UGT2B11: variants seen among roughly 807,000 people sequenced by gnomAD.
UGT2B11 encodes UDP glucuronosyltransferase family 2 member B11.
Under a neutral mutation model 51.7 loss-of-function variants are expected in UGT2B11, and 49 were observed. The observed-to-expected ratio is 0.95, with a 90% CI of 0.75 to 1.20. The LOEUF (loss-of-function observed/expected upper bound fraction) is 1.20, where lower values mean the gene tolerates loss of function less well. Ranked by LOEUF, UGT2B11 falls within the 50% of genes most tolerant of loss-of-function variation. The probability of loss-of-function intolerance (pLI) is 0.00; values close to 1 mark genes in which losing one functional copy is unlikely to be tolerated. For synonymous variants in UGT2B11, 273 were observed against 209.0 expected (o/e 1.31, Z -2.64); for missense variants, 810 against 622.1 (o/e 1.30, Z -3.21).
Position 69,204,555 on chromosome 4 carries a change from C to T in UGT2B11, c.1185G>A (p.Leu395=), listed in dbSNP as rs1721778187. The change falls in exon 5 of 6, where the codon TTG becomes TTA. Residue 395 remains leucine, a synonymous_variant. Coordinates refer to ENST00000446444, the MANE Select transcript of UGT2B11 (RefSeq NM_001073.3). ...YHGIPMVGIP[L]FFDQPDNIAH... Reference sequence around the variant, plus strand: ...CAATGTTATCAGGTTGATCAAAAAACAATGGAATGCCCACCATAGGGATCC... The same window carrying T: ...CAATGTTATCAGGTTGATCAAAAAATAATGGAATGCCCACCATAGGGATCC... 2 of 1,612,314 alleles carry T rather than the reference C, an allele frequency of 1.2e-6. No homozygotes were observed. The highest frequency in any genetic ancestry group is 2.2e-5 in the East Asian group (1 of 44,774).
At chr4:69,214,872 A>G, upstream of UGT2B11, 1 of 1,275,086 alleles carries the variant, frequency 7.8e-7, no homozygotes, top group Non-Finnish European at 1.1e-6. Flanking sequence ...CAAGGAGACA[A>G]ACAAAGTTCG....
At chr4:69,213,878 A>G (rs1388946338) in intron 1 of UGT2B11, 124 bp downstream of exon 1, 9 of 1,321,372 alleles carry the variant, frequency 6.8e-6, no homozygotes, top group Admixed American at 3.1e-5. Context: ...ATCATCTTGT[A>G]TTTTCATTTC....
In UGT2B11 at chr4:69,212,498, T is replaced by C. The variant is rs555327963; in HGVS notation, c.870+75A>G. 33 of 1,564,324 alleles carry C rather than the reference T, an allele frequency of 2.1e-5. 1 individual carries two copies. In the African/African-American group the frequency reaches 2.5e-4, roughly 12 times the overall value. ...TTTCTTTCAGTGTAAGTCAAACATT[T>C]TGAATGAAAACTATAGACTCATTTC... is the stretch of plus-strand genomic sequence containing the variant. On this transcript the variant is annotated intron_variant, in intron 2 of 5. Coordinates refer to ENST00000446444, the MANE Select transcript of UGT2B11 (RefSeq NM_001073.3).
intron 5 of UGT2B11, among the ~76,000 whole-genome samples, chr4:69,202,285 T>G (rs1487727859): frequency 6.6e-6 from 1 of 151,762 alleles, no homozygotes; most frequent in East Asian, 2.0e-4. Flanking sequence ...ATCTGTTGTG[T>G]ATATAATTGA....
chr4:69,222,367 C>A, the UGT2B11 span, among the ~76,000 whole-genome samples: 2 of 152,210 alleles, frequency 1.3e-5, no homozygotes. Flanking sequence ...TTCCTCCTTT[C>A]CCTTTGTAAT....
chr4:69,211,491 A>G (rs970870490), intron 2 of UGT2B11, among the ~76,000 whole-genome samples: 1 of 151,656 alleles, frequency 6.6e-6, no homozygotes, highest in Non-Finnish European at 1.5e-5. Flanking sequence ...AGTGACTTGC[A>G]CATGTTAAGT....
chr4:69,207,524 G>T (rs1037474065), intron 3 of UGT2B11, among the ~76,000 whole-genome samples: 1 of 151,550 alleles, frequency 6.6e-6, no homozygotes, highest in South Asian at 2.1e-4. Flanking sequence ...TCTTCCTTCT[G>T]TTTGACTCCT....
chr4:69,219,044 C>T (rs1255069226), upstream of UGT2B11, among the ~76,000 whole-genome samples: 2 of 152,114 alleles, frequency 1.3e-5, no homozygotes, highest in African/African-American at 4.8e-5. Flanking sequence ...TTCAGGCACC[C>T]CATTCAGCGT....
intron 5 of UGT2B11, among the ~76,000 whole-genome samples, chr4:69,204,027 T>C (rs1018421242): frequency 6.6e-6 from 1 of 151,652 alleles, no homozygotes; most frequent in African/African-American, 2.4e-5. Context: ...TCTGTTAAAA[T>C]AATGATGATA....
intron 3 of UGT2B11, among the ~76,000 whole-genome samples, chr4:69,206,466 T>A (rs896855561): frequency 6.6e-6 from 1 of 151,210 alleles, no homozygotes; most frequent in Non-Finnish European, 1.5e-5. Flanking sequence ...TACACTGAGA[T>A]GTATTGGAGG....
rs764600893 is a variant in UGT2B11, at chr4:69,200,655, G to T, written c.1375C>A (p.Arg459=). 1.2e-6 allele frequency: 2 copies of T among 1,612,184 alleles called. No homozygotes were observed. Among genetic ancestry groups the T allele is most frequent in the Admixed American group, 1.7e-5 (1 of 59,836 alleles). Residue 459 remains arginine, a synonymous_variant, in exon 6 of 6, where the codon CGA becomes AGA. Transcript: ENST00000446444. ...ACAAATTCAATCCAGAAGACTGCTC[G>T]ATCCAGGGGCTTTACTGGTTGATCA... ...QHDQPVKPLD[R]AVFWIEFVMP...
rs1722187916 is a variant in UGT2B11 at position 69,214,304 on chromosome 4, A to C, written c.419T>G (p.Leu140Arg). The stretch of plus-strand genomic sequence containing the variant: ...AACGATGTCAAATCTTGACTCTTGT[A>C]GTTTTTTCATAACTTTCTTATTTGA... ...VVSNKKVMKK[L>R]QESRFDIVFA... is the part of the protein sequence containing the mutation. Residue 140 changes from leucine to arginine, a missense_variant, in exon 1 of 6, where the codon CTA becomes CGA. By Grantham distance (102) the Leu-to-Arg change is moderately radical. Transcript: ENST00000446444. The C allele has an allele frequency of 6.2e-7, 1 of 1,613,250 alleles. No homozygotes were observed. Among genetic ancestry groups the C allele is most frequent in the Non-Finnish European group, 8.5e-7 (1 of 1,179,496 alleles).
the UGT2B11 span, among the ~76,000 whole-genome samples, chr4:69,224,853 G>T: frequency 2.0e-5 from 3 of 151,980 alleles, no homozygotes; most frequent in Non-Finnish European, 4.4e-5. Flanking sequence ...TAGATTTTTC[G>T]CTCACCTTTT....
At chr4:69,209,461 T>C (rs1014445773) in intron 2 of UGT2B11, among the ~76,000 whole-genome samples, 6 of 151,690 alleles carry the variant, frequency 4.0e-5, no homozygotes, top group African/African-American at 7.2e-5. Context: ...TTGGCTGCCA[T>C]TGATTGAGAA....
chr4:69,218,434 G>T (rs867962569), upstream of UGT2B11, among the ~76,000 whole-genome samples: 31 of 152,114 alleles, frequency 2.0e-4, no homozygotes, highest in African/African-American at 7.2e-4. Flanking sequence ...AAGGGAAAGT[G>T]TTACTTATTA....
At chr4:69,203,412 A>G (rs1332244628) in intron 5 of UGT2B11, among the ~76,000 whole-genome samples, 1 of 151,768 alleles carries the variant, frequency 6.6e-6, no homozygotes, top group Admixed American at 6.6e-5. Context: ...GATGGTAGTG[A>G]TGAATGCAAC....
At position 69,200,143 on chromosome 4, in the gene UGT2B11, A is replaced by G. The variant is rs1721593085; in HGVS notation, c.*297T>C. On this transcript the variant is annotated 3_prime_UTR_variant, in exon 6 of 6. Coordinates refer to ENST00000446444, the MANE Select transcript of UGT2B11 (RefSeq NM_001073.3). The stretch of plus-strand genomic sequence containing the variant: ...TTTTTCATGTAACTTGTGAATTCAA[A>G]CAACAAATCTCAATATAAGTGCAAC... The G allele has an allele frequency of 1.4e-5, 3 of 220,498 alleles. No homozygotes were observed. The highest frequency in any genetic ancestry group is 1.1e-4 in the Admixed American group (2 of 17,990). 13.7% of individuals were successfully genotyped at this position (220,498 alleles called of 1,614,324 possible).
intron 2 of UGT2B11, 82 bp downstream of exon 2, chr4:69,212,491 A>G: frequency 6.4e-7 from 1 of 1,562,590 alleles, no homozygotes. Context: ...AGTGTAAGTC[A>G]AACATTTTGA....
chr4:69,203,106 A>G (rs1721719889), intron 5 of UGT2B11, among the ~76,000 whole-genome samples: 2 of 151,754 alleles, frequency 1.3e-5, no homozygotes, highest in East Asian at 3.9e-4. Flanking sequence ...GGGACAAAAT[A>G]TTTAAAAAGT....
Sources: gnomAD v4.1 joint callset for allele counts (sites outside exome capture counted in the v4.1 genomes callset) on GRCh38, gnomAD v4.1.1 for gene constraint, MANE v1.5 for transcripts, NCBI Gene and HGNC (gene_info 2026-07-23, HGNC 2026-07-21) for gene names.